DNAJB6: variants seen among roughly 807,000 people sequenced by gnomAD.
DNAJB6 encodes dnaJ homolog subfamily B member 6.
Under a neutral mutation model 42.7 loss-of-function variants are expected in DNAJB6, and 16 were observed. The observed-to-expected ratio is 0.37, with a 90% CI of 0.25 to 0.57. The LOEUF is 0.57. Ranked by LOEUF, DNAJB6 falls within the 20% of genes least tolerant of loss-of-function variation. The pLI is 0.74. For missense variants in DNAJB6, 347 were observed against 416.8 expected (o/e 0.83, Z 1.46); for synonymous variants, 170 against 163.5 (o/e 1.04, Z -0.30).
At chr7:157,338,064 T>G (rs1798144661) in intron 1 of DNAJB6, among the ~76,000 whole-genome samples, 1 of 152,176 alleles carries the variant, frequency 6.6e-6, no homozygotes, top group Non-Finnish European at 1.5e-5. Flanking sequence ...GTTTTCAACG[T>G]TTTTATTGAG....
intron 1 of DNAJB6, among the ~76,000 whole-genome samples, chr7:157,348,117 G>C (rs771976000): frequency 1.4e-4 from 20 of 147,944 alleles, no homozygotes; most frequent in African/African-American, 3.8e-4. Context: ...TTTTGAGATG[G>C]AGTCTTGCTC....
intron 8 of DNAJB6, among the ~76,000 whole-genome samples, chr7:157,391,136 C>T (rs1385679446): frequency 6.6e-6 from 1 of 152,194 alleles, no homozygotes; most frequent in Non-Finnish European, 1.5e-5. Context: ...ACTCCCAGCC[C>T]AGAGCATTTT....
chr7:157,375,285 C>T (rs1417563136), intron 5 of DNAJB6, among the ~76,000 whole-genome samples: 2 of 152,198 alleles, frequency 1.3e-5, no homozygotes. Context: ...CTGGTGGTTT[C>T]TTCCCTGAGC....
At position 157,367,416 on chromosome 7, in the gene DNAJB6, C is replaced by T. The variant is rs149278319; in HGVS notation, c.279C>T (p.Phe93=). 2.8e-3 allele frequency: 4,542 copies of T among 1,613,626 alleles called. 8 individuals carry two copies. The highest frequency in any genetic ancestry group is 3.6e-3 in the Non-Finnish European group (4,215 of 1,179,526). Residue 93 remains phenylalanine (F), a synonymous_variant, in exon 5 of 10, where the codon TTC becomes TTT. Transcript: ENST00000262177. The part of the protein sequence containing the change: ...FDSPFEFGFT[F]RNPDDVFREF... The stretch of plus-strand genomic sequence containing the variant: ...GTCCATTTGAATTTGGCTTCACATT[C>T]CGTAACCCAGATGATGTCTTCAGGG...
intron 3 of DNAJB6, 142 bp from the exon 4 acceptor site, chr7:157,366,360 G>C (rs1799843657): frequency 1.4e-6 from 1 of 700,920 alleles, no homozygotes; most frequent in African/African-American, 1.8e-5. Flanking sequence ...GCTTTGTTTT[G>C]TTTTAAAGAA....
In DNAJB6 at chr7:157,409,847, C is replaced by CGCCCTGCCAGCCCAGCCTGCCG; in HGVS notation, c.748_769dup (p.Leu257ProfsTer29). On this transcript the variant is annotated frameshift_variant, in exon 9 of 10. Transcript: ENST00000262177. LOFTEE classifies it high-confidence loss of function. ...AGGAGCGCATGCGGAGAGGCCAGAA[C>CGCCCTGCCAGCCCAGCCTGCCG]GCCCTGCCAGCCCAGCCTGCCGGCC... is the stretch of plus-strand genomic sequence containing the variant. 1 of 1,533,612 alleles carries CGCCCTGCCAGCCCAGCCTGCCG rather than the reference C, an allele frequency of 6.5e-7. No homozygotes were observed. The highest frequency in any genetic ancestry group is 1.2e-5 in the South Asian group (1 of 83,844).
At chr7:157,407,082 G>A (rs1020796859) in intron 8 of DNAJB6, among the ~76,000 whole-genome samples, 4 of 152,248 alleles carry the variant, frequency 2.6e-5, no homozygotes, top group Non-Finnish European at 4.4e-5. Context: ...GCAGGGGTGC[G>A]GGGAACAGCT....
chr7:157,370,266 C>T (rs938913670), intron 5 of DNAJB6, among the ~76,000 whole-genome samples: 12 of 135,666 alleles, frequency 8.8e-5, no homozygotes, highest in East Asian at 4.2e-4. Flanking sequence ...ATTATTAAAC[C>T]GGCCTTTCAT....
chr7:157,381,210 T>C (rs570417445), intron 5 of DNAJB6: 3 of 152,068 alleles, frequency 2.0e-5, no homozygotes, highest in Non-Finnish European at 4.4e-5. Context: ...TTGTTAACAT[T>C]TGTGACTCAA....
chr7:157,371,799 A>G (rs1209044848), intron 5 of DNAJB6, among the ~76,000 whole-genome samples: 1 of 152,248 alleles, frequency 6.6e-6, no homozygotes, highest in Non-Finnish European at 1.5e-5. Context: ...TAGGAAAGAA[A>G]GGGTACCTGA....
intron 1 of DNAJB6, among the ~76,000 whole-genome samples, chr7:157,343,057 T>A (rs112282089): frequency 0.074 from 11,218 of 152,010 alleles, 505 homozygotes; most frequent in Middle Eastern, 0.11. Context: ...AGCGGCGTGA[T>A]CTTGGCTCAC....
chr7:157,339,057 A>C (rs75748806), intron 1 of DNAJB6, among the ~76,000 whole-genome samples: 1,678 of 152,326 alleles, frequency 0.011, 30 homozygotes, highest in East Asian at 0.06. Flanking sequence ...TTTCCGGAAC[A>C]CTAGGTGGGG....
intron 8 of DNAJB6, among the ~76,000 whole-genome samples, chr7:157,398,268 C>T (rs879264900): frequency 1.3e-5 from 2 of 152,230 alleles, no homozygotes; most frequent in Admixed American, 1.3e-4. Flanking sequence ...TTTGAATGAG[C>T]CCATCTTCTG....
chr7:157,353,586 G>T (rs1454694831), intron 1 of DNAJB6, among the ~76,000 whole-genome samples: 3 of 140,038 alleles, frequency 2.1e-5, no homozygotes, highest in South Asian at 2.3e-4. Context: ...TCTTGACCGG[G>T]GTGTGTGTGT....
chr7:157,387,736 TAC>T (rs750947790), intron 8 of DNAJB6, among the ~76,000 whole-genome samples: 5 of 152,246 alleles, frequency 3.3e-5, no homozygotes, highest in Non-Finnish European at 7.3e-5. Context: ...AACATGGTGT[TAC>T]AGGTAAAATA....
rs148341905 is a variant in DNAJB6, at chr7:157,343,033, T to C, written c.-27+5889T>C. 4.2e-3 allele frequency among the ~76,000 whole-genome samples: 641 copies of C among 151,798 alleles called. 5 individuals are homozygous for C. Among genetic ancestry groups the C allele is most frequent in the African/African-American group, 0.015 (611 of 41,374 alleles). Reference sequence around the variant, plus strand: ...TTGAGACCAAGTCTCACTCTGTCACTTAGGCTGGAGTGCAGCGGCGTGATC... The same window carrying C: ...TTGAGACCAAGTCTCACTCTGTCACCTAGGCTGGAGTGCAGCGGCGTGATC... On this transcript the variant is annotated intron_variant, in intron 1 of 9. Transcript: ENST00000262177.
chr7:157,338,186 G>A (rs80059141), intron 1 of DNAJB6, among the ~76,000 whole-genome samples: 4 of 152,208 alleles, frequency 2.6e-5, no homozygotes, highest in African/African-American at 9.6e-5. Flanking sequence ...ATTAAAGCTT[G>A]ATTGCTGCTG....
chr7:157,368,470 C>A (rs190033122), intron 5 of DNAJB6: 2,878 of 152,396 alleles, frequency 0.019, 33 homozygotes, highest in Non-Finnish European at 0.031. Context: ...TAGAGCAAGA[C>A]TGCGGAGGCC....
rs115773726 is a variant in DNAJB6 at position 157,394,170 on chromosome 7, C to T, written c.691+8559C>T. Among the ~76,000 whole-genome samples the T allele has an allele frequency of 6.9e-3, 1,056 of 152,186 alleles. 10 individuals are homozygous for T. Among genetic ancestry groups the T allele is most frequent in the African/African-American group, 0.02 (844 of 41,512 alleles). On this transcript the variant is annotated intron_variant, in intron 8 of 9. Coordinates refer to ENST00000262177, the MANE Select transcript of DNAJB6 (RefSeq NM_058246.4). ...GAATGTTAAGAATTGTTTTTAAGTT[C>T]GACTTGTAAAACATTTTTGTTGACT... is the stretch of plus-strand genomic sequence containing the variant.
Sources: allele counts gnomAD v4.1 joint callset (sites outside exome capture counted in the v4.1 genomes callset), GRCh38; gene constraint gnomAD v4.1.1; transcripts MANE v1.5; gene names NCBI Gene and HGNC (gene_info 2026-07-23, HGNC 2026-07-21).